The following HECW2 variants were observed in gnomAD, a reference collection of about 807,000 sequenced individuals.
HECW2 encodes the protein HECT, C2 and WW domain containing E3 ubiquitin protein ligase 2.
In HECW2, 61 loss-of-function variants were observed where a neutral mutation model predicts 175.2. The ratio of observed to expected loss-of-function variants is 0.35; its 90% CI spans 0.28 to 0.43. The LOEUF (loss-of-function observed/expected upper bound fraction) is 0.43, where lower values mean the gene tolerates loss of function less well. Ranked by LOEUF, HECW2 falls within the 20% of genes least tolerant of loss-of-function variation. The pLI is 1.00. For missense variants in HECW2, 1,524 were observed against 2,000.5 expected, an observed-to-expected ratio of 0.76 and a Z score of 4.54; for synonymous variants, 671 against 731.0, an observed-to-expected ratio of 0.92 and a Z score of 1.32.
intron 17 of HECW2, among the ~76,000 whole-genome samples, chr2:196,268,550 A>G (rs1221565838): frequency 6.6e-6 from 1 of 152,242 alleles, no homozygotes; most frequent in East Asian, 1.9e-4. Context: ...GATTCTGTCA[A>G]GTCATTAAAG....
intron 11 of HECW2, 85 bp downstream of exon 11, chr2:196,307,849 GA>G: frequency 2.4e-6 from 3 of 1,256,388 alleles, no homozygotes; most frequent in Non-Finnish European, 3.2e-6. Flanking sequence ...AAAGATCAAA[GA>G]GACAACCATG....
intron 1 of HECW2, among the ~76,000 whole-genome samples, chr2:196,459,891 T>G (rs1696671605): frequency 6.6e-6 from 1 of 152,170 alleles, no homozygotes; most frequent in African/African-American, 2.4e-5. Flanking sequence ...GGTCCCCTGG[T>G]GAAGGATGAG....
intron 2 of HECW2, among the ~76,000 whole-genome samples, chr2:196,345,202 G>T (rs1692908458): frequency 6.6e-6 from 1 of 152,176 alleles, no homozygotes. Context: ...ATATAACCAA[G>T]ATGCTGATAC....
intron 3 of HECW2, among the ~76,000 whole-genome samples, chr2:196,340,484 G>C (rs13394471): frequency 0.25 from 37,773 of 150,562 alleles, 6,040 homozygotes; most frequent in African/African-American, 0.46. Context: ...GTAATCCCAG[G>C]TACTTGGAGG....
rs561142953 is a variant in HECW2, at chr2:196,443,678, G to C, written c.-35-10220C>G. ...ATTCAAGTGTCAAAAAAGAAGAAAC[G>C]AAAACAAGAAAAACTCTTTGCTTTT... is the stretch of plus-strand genomic sequence containing the variant. On this transcript the variant is annotated intron_variant, in intron 1 of 28. Coordinates refer to ENST00000644978, the MANE Select transcript of HECW2 (RefSeq NM_001348768.2). Among the ~76,000 whole-genome samples, 4 of 152,142 alleles carry C rather than the reference G, an allele frequency of 2.6e-5. No individual in the cohort carries two copies. The South Asian group carries it at 8.3e-4, about 31-fold the overall frequency.
intron 1 of HECW2, among the ~76,000 whole-genome samples, chr2:196,518,920 A>C (rs1688247543): frequency 6.6e-6 from 1 of 152,078 alleles, no homozygotes; most frequent in African/African-American, 2.4e-5. Context: ...CCACTACTAC[A>C]TGCAGAATCT....
chr2:196,534,713 A>C (rs1688958819), intron 1 of HECW2, among the ~76,000 whole-genome samples: 2 of 152,170 alleles, frequency 1.3e-5, no homozygotes. Flanking sequence ...CCTGCTTAAC[A>C]CAATCGCCTG....
At chr2:196,516,024 C>A (rs1688133581) in intron 1 of HECW2, among the ~76,000 whole-genome samples, 1 of 151,738 alleles carries the variant, frequency 6.6e-6, no homozygotes, top group South Asian at 2.1e-4. Context: ...GTAATCCCAG[C>A]TACTCGGGTG....
intron 1 of HECW2, among the ~76,000 whole-genome samples, chr2:196,470,910 T>C (rs568617138): frequency 6.7e-6 from 1 of 149,808 alleles, no homozygotes; most frequent in Non-Finnish European, 1.5e-5. Flanking sequence ...CAGCAAAATA[T>C]ATGAATAAGC....
chr2:196,431,598 G>A (rs1190575036), intron 2 of HECW2, among the ~76,000 whole-genome samples: 1 of 152,140 alleles, frequency 6.6e-6, no homozygotes. Context: ...GAAGTTATAT[G>A]AAGTGCAAAA....
chr2:196,242,978 C>G lies in HECW2; in HGVS notation c.3530-774G>C, dbSNP rs1485501514. ...AAATTGCTGGGATTACAGGTGTGAG[C>G]CACCGCACCTGGCCTACAAAACTTC... On this transcript the variant is annotated intron_variant, in intron 19 of 28. Transcript: ENST00000644978. 2.6e-5 allele frequency among the ~76,000 whole-genome samples: 4 copies of G among 152,060 alleles called. No homozygotes were observed. In the East Asian group the frequency reaches 7.7e-4, roughly 29 times the overall value.
chr2:196,439,211 A>C (rs1355717575), intron 1 of HECW2, among the ~76,000 whole-genome samples: 2 of 152,228 alleles, frequency 1.3e-5, no homozygotes, highest in Non-Finnish European at 2.9e-5. Context: ...TTAGTAGGCA[A>C]ACATTATAGC....
At chr2:196,527,651 T>C (rs1325762589) in intron 1 of HECW2, among the ~76,000 whole-genome samples, 1 of 152,242 alleles carries the variant, frequency 6.6e-6, no homozygotes, top group Non-Finnish European at 1.5e-5. Context: ...TAAAACAGTA[T>C]TTTTATGTTG....
chr2:196,408,780 T>C (rs181834684), intron 2 of HECW2, among the ~76,000 whole-genome samples: 12 of 152,358 alleles, frequency 7.9e-5, no homozygotes, highest in Admixed American at 1.3e-4. Flanking sequence ...AGAGGACTAC[T>C]GAGTGTTATG....
chr2:196,572,803 A>G (rs1690432717), intron 1 of HECW2, among the ~76,000 whole-genome samples: 1 of 152,192 alleles, frequency 6.6e-6, no homozygotes, highest in Non-Finnish European at 1.5e-5. Flanking sequence ...CTACACAGCC[A>G]CAAGACAGCT....
intron 1 of HECW2, among the ~76,000 whole-genome samples, chr2:196,469,042 G>A (rs1697077958): frequency 6.6e-6 from 1 of 152,016 alleles, no homozygotes; most frequent in South Asian, 2.1e-4. Context: ...TCCCATCAGA[G>A]CCAGATGTGA....
At chr2:196,520,267 CA>C (rs35560202) in intron 1 of HECW2, among the ~76,000 whole-genome samples, 38,558 of 141,026 alleles carry the variant, frequency 0.27, 5,421 homozygotes, top group African/African-American at 0.4. Flanking sequence ...AAATTATTAC[CA>C]AAAAAAAAAA....
chr2:196,260,821 C>G (rs2105932280), intron 17 of HECW2, among the ~76,000 whole-genome samples: 1 of 152,320 alleles, frequency 6.6e-6, no homozygotes, highest in East Asian at 1.9e-4. Context: ...ACCAGTGATT[C>G]TCAAACTGGC....
At chr2:196,477,035 T>A (rs1156269851) in intron 1 of HECW2, among the ~76,000 whole-genome samples, 1 of 149,552 alleles carries the variant, frequency 6.7e-6, no homozygotes, top group Non-Finnish European at 1.5e-5. Flanking sequence ...CCTAGCTACT[T>A]GGGAGGCTGA....
Sources: allele counts gnomAD v4.1 joint callset (sites outside exome capture counted in the v4.1 genomes callset), GRCh38; gene constraint gnomAD v4.1.1; transcripts MANE v1.5; gene names NCBI Gene and HGNC (gene_info 2026-07-23, HGNC 2026-07-21).